The following TENM2 variants were observed in gnomAD, a reference collection of about 807,000 sequenced individuals.
TENM2 encodes the protein teneurin-2.
Under a neutral mutation model 245.2 loss-of-function variants are expected in TENM2, and 52 were observed. The observed-to-expected ratio is 0.21, with a 90% CI of 0.17 to 0.27. TENM2 has a LOEUF of 0.27. Ranked by LOEUF, TENM2 falls within the 10% of genes least tolerant of loss-of-function variation. The probability of loss-of-function intolerance (pLI) is 1.00; values close to 1 mark genes in which losing one functional copy is unlikely to be tolerated. For synonymous variants in TENM2, 1,363 were observed against 1,438.9 expected, an observed-to-expected ratio of 0.95 and a Z score of 1.19; for missense variants, 3,046 against 3,666.8, an observed-to-expected ratio of 0.83 and a Z score of 4.37.
chr5:167,128,706 A>G, the TENM2 span, among the ~76,000 whole-genome samples: 1 of 152,270 alleles, frequency 6.6e-6, no homozygotes, highest in Non-Finnish European at 1.5e-5. Flanking sequence ...GGTGCAGCCT[A>G]TTCACTTCTA....
the TENM2 span, among the ~76,000 whole-genome samples, chr5:167,078,619 C>G: frequency 6.6e-6 from 1 of 152,090 alleles, no homozygotes; most frequent in Admixed American, 6.6e-5. Flanking sequence ...CAGTCATGTT[C>G]CTTAAAGTCT....
At chr5:167,990,911 G>A (rs1320251109) in intron 4 of TENM2, among the ~76,000 whole-genome samples, 2 of 152,130 alleles carry the variant, frequency 1.3e-5, no homozygotes, top group Non-Finnish European at 2.9e-5. Flanking sequence ...AAGCCCACTG[G>A]GAAAGCCTGC....
chr5:167,393,741 T>C (rs1761898166), intron 2 of TENM2, among the ~76,000 whole-genome samples: 1 of 152,108 alleles, frequency 6.6e-6, no homozygotes, highest in Admixed American at 6.6e-5. Context: ...GGCTATTGTG[T>C]TGAGAATATA....
rs1475009278 is a variant in TENM2 at position 168,218,530 on chromosome 5, T to C, written c.4639T>C (p.Ser1547Pro). Reference sequence around the variant, plus strand: ...GACTGATGCCATCTTGAATTCCCCATCATCCTTAGCTGTAGCTCCAGATGG... The same window carrying C: ...GACTGATGCCATCTTGAATTCCCCACCATCCTTAGCTGTAGCTCCAGATGG... The change falls in exon 23 of 29, where the codon TCA (serine) becomes CCA (proline). Residue 1547 changes from serine to proline, a missense_variant. Ser to Pro is a moderately conservative substitution (Grantham distance 74). Around this residue, in one of 2 missense-constraint regions of TENM2, gnomAD observed 2,704 missense variants for 3,331.9 expected, o/e 0.81. Transcript: ENST00000518659. The surrounding 1 kb of genome is among the most constrained non-coding windows in gnomAD (Gnocchi z 5.2). The C allele has an allele frequency of 6.2e-7, 1 of 1,614,050 alleles. No individual in the cohort carries two copies. The highest frequency in any genetic ancestry group is 1.7e-5 in the Admixed American group (1 of 60,034).
chr5:167,807,794 A>G (rs1436613134), intron 2 of TENM2, among the ~76,000 whole-genome samples: 3 of 152,046 alleles, frequency 2.0e-5, no homozygotes, highest in South Asian at 2.1e-4. Flanking sequence ...AACTCCCTAG[A>G]GCAGTGGTTT....
intron 1 of TENM2, among the ~76,000 whole-genome samples, chr5:167,319,429 A>G (rs1370942219): frequency 6.6e-6 from 1 of 152,192 alleles, no homozygotes; most frequent in East Asian, 1.9e-4. Flanking sequence ...GTCCTCAGAC[A>G]GTGTTAACAA....
At chr5:167,544,452 G>T (rs2052509) in intron 2 of TENM2, among the ~76,000 whole-genome samples, 97,408 of 151,980 alleles carry the variant, frequency 0.64, 31,320 homozygotes, top group Admixed American at 0.71. Flanking sequence ...GAAACATTGA[G>T]AGCTACAATG....
intron 2 of TENM2, among the ~76,000 whole-genome samples, chr5:167,749,155 C>T (rs6867835): frequency 0.014 from 2,174 of 150,904 alleles, 54 homozygotes; most frequent in African/African-American, 0.05. Context: ...ATAGAGAAAC[C>T]GAGGAAAAAC....
intron 5 of TENM2, among the ~76,000 whole-genome samples, chr5:168,007,241 G>A (rs1328985607): frequency 2.0e-5 from 3 of 151,750 alleles, no homozygotes; most frequent in Non-Finnish European, 2.9e-5. Flanking sequence ...CAATTCTCCC[G>A]CCTCAGCCTC....
chr5:167,760,598 G>C (rs1350079066), intron 2 of TENM2, among the ~76,000 whole-genome samples: 5 of 152,170 alleles, frequency 3.3e-5, no homozygotes, highest in African/African-American at 1.2e-4. Context: ...AGGTGGACTT[G>C]TAAATAGGTA....
intron 2 of TENM2, among the ~76,000 whole-genome samples, chr5:167,458,498 A>AC (rs1384796170): frequency 1.4e-5 from 2 of 139,182 alleles, no homozygotes; most frequent in Admixed American, 8.4e-5. Flanking sequence ...AAAAAACAAA[A>AC]AAAAAAAAAA....
chr5:167,712,592 C>T (rs777619995), intron 2 of TENM2, among the ~76,000 whole-genome samples: 1 of 152,116 alleles, frequency 6.6e-6, no homozygotes, highest in Non-Finnish European at 1.5e-5. Flanking sequence ...CACCTGGTAA[C>T]CATTTCTTTC....
chr5:167,883,193 C>T (rs1007693372), intron 3 of TENM2, among the ~76,000 whole-genome samples: 3 of 152,136 alleles, frequency 2.0e-5, no homozygotes, highest in African/African-American at 4.8e-5. Context: ...CAACACAAAC[C>T]TGGGCTCCCA....
At chr5:167,888,313 C>T (rs1774458601) in intron 3 of TENM2, among the ~76,000 whole-genome samples, 1 of 152,200 alleles carries the variant, frequency 6.6e-6, no homozygotes, top group Non-Finnish European at 1.5e-5. Flanking sequence ...AAGGCAAGCA[C>T]CCTGTTTCCC....
intron 2 of TENM2, among the ~76,000 whole-genome samples, chr5:167,463,165 TAA>T (rs1766430934): frequency 6.6e-6 from 1 of 152,198 alleles, no homozygotes. Flanking sequence ...GATTGAGACT[TAA>T]GTTTCAAAAC....
intron 2 of TENM2, among the ~76,000 whole-genome samples, chr5:167,754,647 G>T (rs1196836792): frequency 2.0e-5 from 3 of 150,890 alleles, no homozygotes; most frequent in African/African-American, 7.3e-5. Context: ...ACACAGTGAT[G>T]TCAGAAAACA....
chr5:167,160,004 T>C, the TENM2 span, among the ~76,000 whole-genome samples: 1 of 152,190 alleles, frequency 6.6e-6, no homozygotes, highest in Admixed American at 6.5e-5. Flanking sequence ...TCCAGACATA[T>C]GGAAGTCTCT....
intron 3 of TENM2, among the ~76,000 whole-genome samples, chr5:167,909,743 A>G (rs928517371): frequency 6.6e-6 from 1 of 152,212 alleles, no homozygotes; most frequent in South Asian, 2.1e-4. Context: ...TACCATGCAA[A>G]TCAAAAATAA....
At chr5:166,990,338 G>A in the TENM2 span, among the ~76,000 whole-genome samples, 2 of 151,974 alleles carry the variant, frequency 1.3e-5, no homozygotes, top group African/African-American at 4.8e-5. Flanking sequence ...TGTCTCCCAC[G>A]GATTTTGAGA....
Sources: allele counts gnomAD v4.1 joint callset (sites outside exome capture counted in the v4.1 genomes callset), GRCh38; gene constraint gnomAD v4.1.1; regional missense constraint gnomAD v4.1.1; non-coding constraint Gnocchi (gnomAD v3.1); transcripts MANE v1.5; gene names NCBI Gene and HGNC (gene_info 2026-07-23, HGNC 2026-07-21).